The following CLEC4C variants were observed in gnomAD, a reference collection of about 807,000 sequenced individuals.
CLEC4C encodes the protein C-type lectin domain family 4 member C.
In CLEC4C, 17 loss-of-function variants were observed where a neutral mutation model predicts 27.7. The ratio of observed to expected loss-of-function variants is 0.61; its 90% CI spans 0.42 to 0.92. The LOEUF (loss-of-function observed/expected upper bound fraction) is 0.92, where lower values mean the gene tolerates loss of function less well. CLEC4C is among the 40% of genes least tolerant of loss of function. The pLI is 0.00. For synonymous variants in CLEC4C, 80 were observed against 80.8 expected, an observed-to-expected ratio of 0.99 and a Z score of 0.06; for missense variants, 244 against 257.3, an observed-to-expected ratio of 0.95 and a Z score of 0.35.
chr12:7,745,424 C>CTTT (rs140956970), intron 2 of CLEC4C, among the ~76,000 whole-genome samples: 2,535 of 48,186 alleles, frequency 0.053, 979 homozygotes, highest in Non-Finnish European at 0.062. Context: ...TCAGTCTATG[C>CTTT]TTTTTTTTTT....
chr12:7,747,431 C>T (rs146855564), upstream of CLEC4C: 14 of 1,427,636 alleles, frequency 9.8e-6, no homozygotes, highest in Middle Eastern at 1.8e-4. Flanking sequence ...ATGTTACTTT[C>T]GGGGTGTGGT....
At chr12:7,748,583 C>T (rs142308154), upstream of CLEC4C, among the ~76,000 whole-genome samples, 203 of 152,166 alleles carry the variant, frequency 1.3e-3, 2 homozygotes, top group African/African-American at 4.8e-3. Context: ...GGACCCAGAC[C>T]AATGAGATCC....
intron 4 of CLEC4C, among the ~76,000 whole-genome samples, chr12:7,734,636 C>T (rs149437927): frequency 3.3e-5 from 5 of 151,082 alleles, no homozygotes; most frequent in African/African-American, 1.2e-4. Flanking sequence ...GCAACCTCTG[C>T]CCCCTGGGTT....
chr12:7,747,489 A>G (rs1034674696), upstream of CLEC4C: 1 of 758,940 alleles, frequency 1.3e-6, no homozygotes, highest in Non-Finnish European at 2.3e-6. Flanking sequence ...CTACTCTTGC[A>G]AAGGAAGAGA....
chr12:7,731,657 TG>T (rs1250348881), intron 4 of CLEC4C, among the ~76,000 whole-genome samples: 2 of 152,174 alleles, frequency 1.3e-5, no homozygotes, highest in Non-Finnish European at 1.5e-5. Context: ...AGACATCACT[TG>T]TGAGCATGAT....
intron 3 of CLEC4C, 135 bp downstream of exon 3, chr12:7,741,286 C>A: frequency 1.7e-6 from 1 of 597,920 alleles, no homozygotes; most frequent in Non-Finnish European, 3.1e-6. Context: ...ATTTAAGATA[C>A]CAAGTAGATA....
chr12:7,737,885 A>G (rs947561990), intron 3 of CLEC4C, among the ~76,000 whole-genome samples: 5 of 150,286 alleles, frequency 3.3e-5, no homozygotes, highest in East Asian at 1.9e-4. Context: ...GTTACCAAAG[A>G]AAAAAAAAAG....
intron 4 of CLEC4C, among the ~76,000 whole-genome samples, chr12:7,734,021 T>C (rs1864661594): frequency 6.6e-6 from 1 of 152,146 alleles, no homozygotes; most frequent in Non-Finnish European, 1.5e-5. Flanking sequence ...GCCACCCAAG[T>C]ATCCGGGACT....
At chr12:7,738,784 T>C (rs1864784460) in intron 3 of CLEC4C, among the ~76,000 whole-genome samples, 1 of 152,198 alleles carries the variant, frequency 6.6e-6, no homozygotes, top group Admixed American at 6.6e-5. Flanking sequence ...ATTACAGGCA[T>C]GAGCCACTGA....
chr12:7,746,307 A>T lies in CLEC4C; in HGVS notation c.124+24T>A, dbSNP rs1212671807. The stretch of plus-strand genomic sequence containing the variant: ...TGATTGGGAAAAGGACCAAGAGATG[A>T]CTGCACTCCAGCCAAGAACTTACCC... On this transcript the variant is annotated intron_variant, in intron 2 of 5. Transcript: ENST00000360345. 4 of 1,362,804 alleles carry T rather than the reference A, an allele frequency of 2.9e-6. 1 individual carries two copies. 84.4% of individuals were successfully genotyped at this position (1,362,804 alleles called of 1,614,324 possible). A position where few individuals can be genotyped will look rare whatever the true frequency, so the allele number is the denominator to read the frequency against.
intron 2 of CLEC4C, among the ~76,000 whole-genome samples, chr12:7,743,510 G>A (rs997567448): frequency 5.3e-5 from 8 of 151,144 alleles, no homozygotes; most frequent in African/African-American, 9.7e-5. Context: ...TCAGCCTCCT[G>A]AGTAGCTGGC....
chr12:7,738,417 T>C (rs1170788890), intron 3 of CLEC4C, among the ~76,000 whole-genome samples: 3 of 152,224 alleles, frequency 2.0e-5, no homozygotes, highest in African/African-American at 7.2e-5. Flanking sequence ...CGAGATTATA[T>C]ACATTCCCTC....
At chr12:7,738,590 C>T (rs1051574275) in intron 3 of CLEC4C, among the ~76,000 whole-genome samples, 14 of 152,152 alleles carry the variant, frequency 9.2e-5, no homozygotes, top group Non-Finnish European at 2.1e-4. Flanking sequence ...CAGCCTTGAC[C>T]TGGATTCAAG....
intron 2 of CLEC4C, among the ~76,000 whole-genome samples, chr12:7,746,110 G>A (rs1864972225): frequency 6.6e-6 from 1 of 151,224 alleles, no homozygotes; most frequent in South Asian, 2.1e-4. Flanking sequence ...AGCTACTCGG[G>A]AGGCTGAGGC....
At chr12:7,741,690 C>G (rs1215215199) in intron 2 of CLEC4C, among the ~76,000 whole-genome samples, 159 bp from the exon 3 acceptor site, 1 of 152,058 alleles carries the variant, frequency 6.6e-6, no homozygotes, top group African/African-American at 2.4e-5. Flanking sequence ...GAGTTAGAGA[C>G]CAGCCTGGCT....
chr12:7,744,812 A>T (rs113955791), intron 2 of CLEC4C, among the ~76,000 whole-genome samples: 15,870 of 151,840 alleles, frequency 0.1, 1,130 homozygotes, highest in Middle Eastern at 0.22. Context: ...ACAGGGTCTC[A>T]TTCTGTTGCC....
chr12:7,749,479 T>C (rs904678742), upstream of CLEC4C: 8 of 151,442 alleles, frequency 5.3e-5, no homozygotes, highest in African/African-American at 1.7e-4. Context: ...CACTGGAATT[T>C]GGGAGGCAGG....
Position 7,735,518 on chromosome 12 carries a change from A to C in CLEC4C, c.381+1911T>G, listed in dbSNP as rs183398062. 4.7e-5 allele frequency among the ~76,000 whole-genome samples: 7 copies of C among 149,656 alleles called. No homozygotes were observed. In the East Asian group the frequency reaches 1.2e-3, roughly 25 times the overall value. ...ACTCTGTCTCAAAGAAAAAAAAAAAAAAAAACGGCCAGGCACGGTGGCTCA... is the reference window on the plus strand; with the variant it reads ...ACTCTGTCTCAAAGAAAAAAAAAAACAAAAACGGCCAGGCACGGTGGCTCA... On this transcript the variant is annotated intron_variant, in intron 4 of 5. Coordinates refer to ENST00000360345, the MANE Select transcript of CLEC4C (RefSeq NM_001371390.1).
Position 7,737,588 on chromosome 12 carries a change from T to A in CLEC4C, c.236-14A>T. On this transcript the variant is annotated splice_polypyrimidine_tract_variant and intron_variant, in intron 3 of 5. Transcript: ENST00000360345. ...AGCAGCTCCAATCTTCCCAAATGAGTATAGAAGAAGAAAAAATATTAACAG... is the reference window on the plus strand; with the variant it reads ...AGCAGCTCCAATCTTCCCAAATGAGAATAGAAGAAGAAAAAATATTAACAG... 1 of 1,603,442 alleles carries A rather than the reference T, an allele frequency of 6.2e-7. No individual in the cohort carries two copies. Among genetic ancestry groups the A allele is most frequent in the South Asian group, 1.1e-5 (1 of 89,584 alleles).
Sources: allele counts gnomAD v4.1 joint callset (sites outside exome capture counted in the v4.1 genomes callset), GRCh38; gene constraint gnomAD v4.1.1; transcripts MANE v1.5; gene names NCBI Gene and HGNC (gene_info 2026-07-23, HGNC 2026-07-21).